EXT2: variants seen among roughly 807,000 people sequenced by gnomAD.
The protein encoded by EXT2 is exostosin glycosyltransferase 2.
A neutral mutation model predicts 81.6 loss-of-function variants in EXT2; 53 were observed. The observed-to-expected ratio is 0.65, with a 90% CI of 0.52 to 0.82. The LOEUF (loss-of-function observed/expected upper bound fraction) is 0.82, where lower values mean the gene tolerates loss of function less well. Ranked by LOEUF, EXT2 falls within the 40% of genes least tolerant of loss-of-function variation. EXT2 has a pLI of 0.00. For missense variants in EXT2, 774 were observed against 910.2 expected, an observed-to-expected ratio of 0.85 and a Z score of 1.93; for synonymous variants, 320 against 340.0, an observed-to-expected ratio of 0.94 and a Z score of 0.65.
Position 44,197,835 on chromosome 11 carries a change from G to T in EXT2, c.1312G>T (p.Gly438Cys), listed in dbSNP as rs775111831. The T allele has an allele frequency of 1.2e-6, 2 of 1,613,924 alleles. No homozygotes were observed. Among genetic ancestry groups the T allele is most frequent in the East Asian group, 2.2e-5 (1 of 44,860 alleles). ...EWNDPPAVKW[G>C]SVSNPLFLPL... ...TTAATCTGTCCTCTTGTAGAAGTGGGGCAGCGTGAGCAATCCACTCTTCCT... is the reference window on the plus strand; with the variant it reads ...TTAATCTGTCCTCTTGTAGAAGTGGTGCAGCGTGAGCAATCCACTCTTCCT... The change falls in exon 9 of 14, where the codon GGC (glycine) becomes TGC (cysteine). Residue 438 changes from glycine to cysteine, a missense_variant. Transcript: ENST00000533608.
intron 7 of EXT2, among the ~76,000 whole-genome samples, chr11:44,145,546 G>C (rs755570908): frequency 6.6e-6 from 1 of 152,126 alleles, no homozygotes; most frequent in Non-Finnish European, 1.5e-5. Flanking sequence ...GCAAAGGGAA[G>C]GGCCAAATTA....
In EXT2 at chr11:44,224,775, G is replaced by A. The variant is rs573263057; in HGVS notation, c.1663-7578G>A. Among the ~76,000 whole-genome samples the A allele has an allele frequency of 1.2e-4, 19 of 152,250 alleles. No homozygotes were observed. In the South Asian group the frequency reaches 3.9e-3, roughly 32 times the overall value. ...GACTGCAAGTGATGGAAGTCAGCAG[G>A]GCAGCTACTTGAAGTAAGCAGAGTT... On this transcript the variant is annotated intron_variant, in intron 10 of 13. Transcript: ENST00000533608.
At chr11:44,155,379 G>A (rs1046154172) in intron 7 of EXT2, among the ~76,000 whole-genome samples, 6 of 151,910 alleles carry the variant, frequency 3.9e-5, no homozygotes, top group African/African-American at 1.5e-4. Flanking sequence ...TGGTTCTTTT[G>A]TGATCTTCTT....
chr11:44,141,968 T>C (rs1430770872), intron 7 of EXT2, among the ~76,000 whole-genome samples: 4 of 152,194 alleles, frequency 2.6e-5, no homozygotes, highest in Non-Finnish European at 5.9e-5. Context: ...TACAATACAA[T>C]AACTTGTAAA....
chr11:44,177,554 C>T (rs1955175869), intron 8 of EXT2, among the ~76,000 whole-genome samples: 1 of 152,184 alleles, frequency 6.6e-6, no homozygotes, highest in African/African-American at 2.4e-5. Context: ...ATTCATGTGT[C>T]ACCAAAGCTA....
chr11:44,239,889 A>G (rs1041425005), intron 13 of EXT2, among the ~76,000 whole-genome samples: 1 of 152,032 alleles, frequency 6.6e-6, no homozygotes, highest in African/African-American at 2.4e-5. Flanking sequence ...TCTGGAGGAT[A>G]CCAATCTTCA....
At chr11:44,185,666 A>G (rs1202217674) in intron 8 of EXT2, among the ~76,000 whole-genome samples, 3 of 152,330 alleles carry the variant, frequency 2.0e-5, no homozygotes, top group African/African-American at 7.2e-5. Context: ...TTTTGGTGTT[A>G]GGCTCCTAAC....
chr11:44,100,885 G>C (rs1039074146), intron 1 of EXT2, among the ~76,000 whole-genome samples: 42 of 152,124 alleles, frequency 2.8e-4, no homozygotes, highest in African/African-American at 9.9e-4. Flanking sequence ...GGCCAGTAGA[G>C]GTATGCACCT....
At chr11:44,137,291 T>G (rs1954584637) in intron 7 of EXT2, among the ~76,000 whole-genome samples, 1 of 152,184 alleles carries the variant, frequency 6.6e-6, no homozygotes, top group Admixed American at 6.5e-5. Flanking sequence ...GTCTTTAAGG[T>G]TTGGACTGAT....
chr11:44,167,047 G>T (rs1471576018), intron 7 of EXT2, among the ~76,000 whole-genome samples: 1 of 152,188 alleles, frequency 6.6e-6, no homozygotes, highest in Non-Finnish European at 1.5e-5. Flanking sequence ...ACTTGGAATT[G>T]AGCTACATAG....
intron 9 of EXT2, among the ~76,000 whole-genome samples, chr11:44,200,166 G>T (rs575614221): frequency 6.7e-6 from 1 of 149,096 alleles, no homozygotes; most frequent in Admixed American, 6.7e-5. Context: ...AAAAAAAAAA[G>T]CAAGTCCAAG....
At chr11:44,129,103 G>A (rs1954452483) in intron 6 of EXT2, among the ~76,000 whole-genome samples, 1 of 152,150 alleles carries the variant, frequency 6.6e-6, no homozygotes, top group African/African-American at 2.4e-5. Context: ...AACCCTGTGG[G>A]CTCTACCCTC....
At position 44,212,414 on chromosome 11, in the gene EXT2, A is replaced by T. The variant is rs576085333; in HGVS notation, c.1662+5455A>T. Among the ~76,000 whole-genome samples the T allele has an allele frequency of 5.9e-5, 9 of 152,114 alleles. No homozygotes were observed. The South Asian group carries it at 1.9e-3, about 32-fold the overall frequency. ...TCCTCAACATCATAGTCACTACAACAGTTTTAAAATAAAAGCACATTGAGT... is the reference window on the plus strand; with the variant it reads ...TCCTCAACATCATAGTCACTACAACTGTTTTAAAATAAAAGCACATTGAGT... On this transcript the variant is annotated intron_variant, in intron 10 of 13. Transcript: ENST00000533608.
intron 1 of EXT2, among the ~76,000 whole-genome samples, chr11:44,099,110 T>TC (rs1953945716): frequency 6.6e-6 from 1 of 152,108 alleles, no homozygotes; most frequent in African/African-American, 2.4e-5. Flanking sequence ...CAAGAAACCC[T>TC]CCCACCTCAG....
At chr11:44,124,646 C>T in intron 4 of EXT2, 143 bp from the exon 5 acceptor site, 3 of 699,824 alleles carry the variant, frequency 4.3e-6, no homozygotes, top group South Asian at 3.1e-5. Flanking sequence ...TTTACTAATA[C>T]TACAGAAGAT....
At chr11:44,113,420 C>G (rs545405981) in intron 3 of EXT2, among the ~76,000 whole-genome samples, 37 of 152,302 alleles carry the variant, frequency 2.4e-4, no homozygotes, top group African/African-American at 8.9e-4. Flanking sequence ...TATACACCTG[C>G]TTCCTTTCTC....
Position 44,108,086 on chromosome 11 carries a change from C to T in EXT2, c.374C>T (p.Thr125Ile), listed in dbSNP as rs746977743. 2 of 1,614,076 alleles carry T rather than the reference C, an allele frequency of 1.2e-6. No homozygotes were observed. Among genetic ancestry groups the T allele is most frequent in the Non-Finnish European group, 1.7e-6 (2 of 1,180,048 alleles). ...VDDFGVSVSN[T>I]ISREYNELLM... ...GACTTTGGCGTCTCTGTCAGCAACACCATCTCCCGGGAGTATAATGAACTG... is the reference window on the plus strand; with the variant it reads ...GACTTTGGCGTCTCTGTCAGCAACATCATCTCCCGGGAGTATAATGAACTG... The change falls in exon 2 of 14, where the codon ACC becomes ATC. Residue 125 changes from threonine (T) to isoleucine (I), a missense_variant. By Grantham distance (89) the Thr-to-Ile change is moderately conservative. This residue lies in a region of EXT2 where 626 missense variants were observed against 670.5 expected (regional missense o/e 0.93). Coordinates refer to ENST00000533608, the MANE Select transcript of EXT2 (RefSeq NM_207122.2).
At chr11:44,207,127 T>C (rs1017288923) in intron 10 of EXT2, among the ~76,000 whole-genome samples, 168 bp downstream of exon 10, 2 of 152,212 alleles carry the variant, frequency 1.3e-5, no homozygotes, top group African/African-American at 4.8e-5. Context: ...AAGCTGTTCT[T>C]TGAAGCACTG....
intron 8 of EXT2, among the ~76,000 whole-genome samples, chr11:44,194,512 CT>C (rs1955432731): frequency 6.6e-6 from 1 of 152,156 alleles, no homozygotes; most frequent in East Asian, 1.9e-4. Flanking sequence ...TAGGGAAGGG[CT>C]GTGAACCATT....
Sources: allele counts gnomAD v4.1 joint callset (sites outside exome capture counted in the v4.1 genomes callset), GRCh38; gene constraint gnomAD v4.1.1; regional missense constraint gnomAD v4.1.1; transcripts MANE v1.5; gene names NCBI Gene and HGNC (gene_info 2026-07-23, HGNC 2026-07-21).